MAGI2: variants seen among roughly 807,000 people sequenced by gnomAD.
MAGI2 encodes the protein membrane associated guanylate kinase, WW and PDZ domain containing 2.
In MAGI2, 35 loss-of-function variants were observed where a neutral mutation model predicts 133.3. The observed-to-expected ratio is 0.26, with a 90% CI of 0.20 to 0.35. The LOEUF (loss-of-function observed/expected upper bound fraction) is 0.35, where lower values mean the gene tolerates loss of function less well. Among genes scored for constraint, MAGI2 ranks in the 10% least tolerant of loss-of-function variants. The probability of loss-of-function intolerance (pLI) is 1.00; values close to 1 mark genes in which losing one functional copy is unlikely to be tolerated. For synonymous variants in MAGI2, 729 were observed against 710.6 expected (o/e 1.03, Z -0.41); for missense variants, 1,636 against 1,863.4 (o/e 0.88, Z 2.25).
At chr7:78,559,581 A>G (rs1800202885) in intron 3 of MAGI2, among the ~76,000 whole-genome samples, 1 of 151,504 alleles carries the variant, frequency 6.6e-6, no homozygotes, top group Non-Finnish European at 1.5e-5. Context: ...GATGCTCGTG[A>G]GTATTAAGCT....
At chr7:78,301,467 A>T (rs957145888) in intron 9 of MAGI2, among the ~76,000 whole-genome samples, 1 of 152,108 alleles carries the variant, frequency 6.6e-6, no homozygotes, top group East Asian at 1.9e-4. Context: ...GGCATGCGAG[A>T]CTCAGGCGAC....
At position 79,277,762 on chromosome 7, in the gene MAGI2, A is replaced by G. The variant is rs143965612; in HGVS notation, c.301+175258T>C. Among the ~76,000 whole-genome samples, 1,056 of 152,258 alleles carry G rather than the reference A, an allele frequency of 6.9e-3. 8 individuals are homozygous for G. Among genetic ancestry groups the G allele is most frequent in the Non-Finnish European group, 9.2e-3 (625 of 68,008 alleles). On this transcript the variant is annotated intron_variant, in intron 1 of 21. Coordinates refer to ENST00000354212, the MANE Select transcript of MAGI2 (RefSeq NM_012301.4). ...TTAGAGCATTTTCTTTAGAAAATTCACAGATGTAACTCCTTTCTCTGTCTC... is the reference window on the plus strand; with the variant it reads ...TTAGAGCATTTTCTTTAGAAAATTCGCAGATGTAACTCCTTTCTCTGTCTC...
At chr7:78,847,489 A>C (rs1792729937) in intron 2 of MAGI2, among the ~76,000 whole-genome samples, 1 of 151,976 alleles carries the variant, frequency 6.6e-6, no homozygotes. Context: ...AGATCTTGTC[A>C]AAGTGTTCCC....
chr7:79,103,876 T>C (rs4615489), intron 1 of MAGI2, among the ~76,000 whole-genome samples: 3 of 151,234 alleles, frequency 2.0e-5, no homozygotes, highest in Non-Finnish European at 4.4e-5. Context: ...ATTTTTTTTA[T>C]ATTTTTAGTA....
At chr7:78,172,763 C>T (rs1826235824) in intron 14 of MAGI2, among the ~76,000 whole-genome samples, 1 of 152,176 alleles carries the variant, frequency 6.6e-6, no homozygotes, top group South Asian at 2.1e-4. Flanking sequence ...ACCTTACATG[C>T]CTCTCCCTTT....
intron 1 of MAGI2, among the ~76,000 whole-genome samples, chr7:79,079,220 G>A (rs6466491): frequency 0.83 from 126,498 of 152,120 alleles, 53,110 homozygotes; most frequent in Non-Finnish European, 0.86. Flanking sequence ...TTATCTGATT[G>A]TGCATAACTA....
intron 2 of MAGI2, among the ~76,000 whole-genome samples, chr7:78,803,311 C>T (rs973341273): frequency 3.9e-5 from 6 of 152,008 alleles, no homozygotes; most frequent in South Asian, 2.1e-4. Flanking sequence ...GGCATAATTA[C>T]GGAAGAAAAA....
chr7:78,421,686 C>A (rs1324398740), intron 6 of MAGI2, among the ~76,000 whole-genome samples: 1 of 152,068 alleles, frequency 6.6e-6, no homozygotes, highest in Admixed American at 6.6e-5. Flanking sequence ...CACCTGTAGT[C>A]CCAGATACTC....
At chr7:79,063,560 A>C (rs971567678) in intron 1 of MAGI2, among the ~76,000 whole-genome samples, 1 of 152,080 alleles carries the variant, frequency 6.6e-6, no homozygotes, top group African/African-American at 2.4e-5. Flanking sequence ...TGGAGAGGCA[A>C]CTAGGAAGGA....
chr7:78,909,325 G>A (rs1798214697), intron 2 of MAGI2, among the ~76,000 whole-genome samples: 2 of 151,546 alleles, frequency 1.3e-5, no homozygotes, highest in South Asian at 2.1e-4. Context: ...TAGGCGCGGT[G>A]GCTCACGCCT....
At chr7:78,061,454 ACAC>A (rs975350135) in intron 21 of MAGI2, among the ~76,000 whole-genome samples, 2 of 135,980 alleles carry the variant, frequency 1.5e-5, no homozygotes, top group Non-Finnish European at 3.2e-5. Flanking sequence ...ACACACACAC[ACAC>A]GAGTGGGGAA....
At chr7:78,582,377 A>G (rs761110750) in intron 3 of MAGI2, among the ~76,000 whole-genome samples, 2 of 152,208 alleles carry the variant, frequency 1.3e-5, no homozygotes, top group Non-Finnish European at 2.9e-5. Flanking sequence ...TCACCAACTG[A>G]GATCTGTAAA....
intron 2 of MAGI2, among the ~76,000 whole-genome samples, chr7:78,907,274 A>G (rs1798059473): frequency 6.6e-6 from 1 of 152,164 alleles, no homozygotes; most frequent in Admixed American, 6.5e-5. Flanking sequence ...ATTCCTTAAT[A>G]CCAGATGTTA....
intron 2 of MAGI2, among the ~76,000 whole-genome samples, chr7:78,763,088 A>G (rs1307432245): frequency 6.6e-6 from 1 of 152,190 alleles, no homozygotes; most frequent in Admixed American, 6.5e-5. Flanking sequence ...GTCACTGGTC[A>G]TGGTTAAATG....
chr7:78,275,006 C>T (rs977879515), intron 9 of MAGI2, among the ~76,000 whole-genome samples: 2 of 151,338 alleles, frequency 1.3e-5, no homozygotes, highest in African/African-American at 2.4e-5. Context: ...AAAAAAAACT[C>T]CTGCAGCTAG....
intron 2 of MAGI2, among the ~76,000 whole-genome samples, chr7:78,698,859 C>A (rs1393538408): frequency 6.6e-6 from 1 of 152,112 alleles, no homozygotes; most frequent in Non-Finnish European, 1.5e-5. Flanking sequence ...GGGTAACCAC[C>A]CCATGATTCA....
Position 78,692,209 on chromosome 7 carries a change from C to T in MAGI2, c.419-64970G>A, listed in dbSNP as rs1047334359. On this transcript the variant is annotated intron_variant, in intron 2 of 21. Coordinates refer to ENST00000354212, the MANE Select transcript of MAGI2 (RefSeq NM_012301.4). ...GAAAATGATCTTTGAAGAAGAAACACTAATATGTAATCATGTTTGTAAATA... is the reference window on the plus strand; with the variant it reads ...GAAAATGATCTTTGAAGAAGAAACATTAATATGTAATCATGTTTGTAAATA... Among the ~76,000 whole-genome samples, 30 of 152,248 alleles carry T rather than the reference C, an allele frequency of 2.0e-4. 2 individuals carry two copies. The highest frequency in any genetic ancestry group is 1.9e-3 in the East Asian group (10 of 5,178).
Position 78,559,032 on chromosome 7 carries a change from G to A in MAGI2, c.539-37387C>T, listed in dbSNP as rs576127178. 2.6e-4 allele frequency among the ~76,000 whole-genome samples: 38 copies of A among 146,420 alleles called. 1 individual carries two copies. The South Asian group carries it at 8.0e-3, about 31-fold the overall frequency. On this transcript the variant is annotated intron_variant, in intron 3 of 21. Coordinates refer to ENST00000354212, the MANE Select transcript of MAGI2 (RefSeq NM_012301.4). ...TTAACAAAATGTACAGTGTTCTCTG[G>A]TAATAGAGGAAAGGCTTCTATGTGT...
At chr7:78,555,287 G>C (rs923941314) in intron 3 of MAGI2, among the ~76,000 whole-genome samples, 1 of 152,008 alleles carries the variant, frequency 6.6e-6, no homozygotes, top group African/African-American at 2.4e-5. Flanking sequence ...CCTTATGAAG[G>C]CTTCCATGTC....
Sources: gnomAD v4.1 joint callset for allele counts (sites outside exome capture counted in the v4.1 genomes callset) on GRCh38, gnomAD v4.1.1 for gene constraint, MANE v1.5 for transcripts, NCBI Gene and HGNC (gene_info 2026-07-23, HGNC 2026-07-21) for gene names.